XRCC4: variants seen among roughly 807,000 people sequenced by gnomAD.
XRCC4 encodes the protein X-ray repair cross complementing 4.
XRCC4 carries 28 observed loss-of-function variants against 39.1 expected under a neutral mutation model. The observed-to-expected ratio is 0.72, with a 90% CI of 0.53 to 0.98. The LOEUF is 0.98. XRCC4 is among the 50% of genes least tolerant of loss of function. XRCC4 has a pLI of 0.00. For synonymous variants in XRCC4, 123 were observed against 126.4 expected (o/e 0.97, Z 0.18); for missense variants, 350 against 376.4 (o/e 0.93, Z 0.58).
At chr5:83,327,897 A>G (rs1422650815) in intron 7 of XRCC4, among the ~76,000 whole-genome samples, 1 of 152,148 alleles carries the variant, frequency 6.6e-6, no homozygotes, top group African/African-American at 2.4e-5. Flanking sequence ...TCCATACTGT[A>G]TTGGAGGTCC....
intron 7 of XRCC4, among the ~76,000 whole-genome samples, chr5:83,279,285 G>A (rs1754454354): frequency 6.6e-6 from 1 of 151,724 alleles, no homozygotes; most frequent in South Asian, 2.1e-4. Flanking sequence ...ATACATAGGA[G>A]AAAGTGGCAA....
At chr5:83,123,444 G>A (rs1235941813) in intron 3 of XRCC4, among the ~76,000 whole-genome samples, 1 of 151,638 alleles carries the variant, frequency 6.6e-6, no homozygotes, top group African/African-American at 2.4e-5. Flanking sequence ...ATTTCTTTTA[G>A]GAAGTGTATA....
intron 3 of XRCC4, among the ~76,000 whole-genome samples, chr5:83,125,841 G>T (rs1747232459): frequency 6.6e-6 from 1 of 152,102 alleles, no homozygotes; most frequent in Non-Finnish European, 1.5e-5. Context: ...AAATTAGCCA[G>T]GTGTGGTGGC....
the XRCC4 span, among the ~76,000 whole-genome samples, chr5:83,359,015 G>A: frequency 6.6e-6 from 1 of 151,648 alleles, no homozygotes; most frequent in East Asian, 1.9e-4. Flanking sequence ...TATATGCAGG[G>A]GTGAAAAGGA....
At chr5:83,218,047 C>T (rs1231671420) in intron 6 of XRCC4, among the ~76,000 whole-genome samples, 2 of 143,638 alleles carry the variant, frequency 1.4e-5, no homozygotes, top group Non-Finnish European at 3.0e-5. Flanking sequence ...TTGAACTTCT[C>T]AGTCTTTACC....
intron 7 of XRCC4, among the ~76,000 whole-genome samples, chr5:83,348,835 T>G (rs1756997134): frequency 6.6e-6 from 1 of 152,244 alleles, no homozygotes; most frequent in East Asian, 1.9e-4. Flanking sequence ...GGTCATTTCT[T>G]TGTTCATACA....
chr5:83,220,423 C>T (rs780336243), intron 6 of XRCC4, among the ~76,000 whole-genome samples: 2 of 152,106 alleles, frequency 1.3e-5, no homozygotes, highest in African/African-American at 2.4e-5. Context: ...TCATCAGCAT[C>T]GCCTGTAAGC....
intron 3 of XRCC4, among the ~76,000 whole-genome samples, chr5:83,114,204 G>A (rs1746595117): frequency 6.6e-6 from 1 of 152,176 alleles, no homozygotes; most frequent in South Asian, 2.1e-4. Flanking sequence ...CCTATAATGG[G>A]AGGGGCTCCT....
chr5:83,155,681 A>G (rs1748923707), intron 3 of XRCC4, among the ~76,000 whole-genome samples: 1 of 152,140 alleles, frequency 6.6e-6, no homozygotes, highest in Admixed American at 6.6e-5. Context: ...AAATTGTAAG[A>G]ACAATTAGAA....
chr5:83,098,197 A>G (rs1278284358), intron 1 of XRCC4, among the ~76,000 whole-genome samples: 1 of 152,152 alleles, frequency 6.6e-6, no homozygotes, highest in East Asian at 1.9e-4. Flanking sequence ...TGTGACCTCA[A>G]CCAAGAGGCC....
intron 1 of XRCC4, among the ~76,000 whole-genome samples, chr5:83,092,762 T>C (rs185673957): frequency 1.1e-4 from 16 of 151,964 alleles, no homozygotes; most frequent in African/African-American, 3.6e-4. Flanking sequence ...AAAGCAAAAA[T>C]CTGTAGGAGA....
At chr5:83,112,948 C>A (rs1447577153) in intron 3 of XRCC4, among the ~76,000 whole-genome samples, 1 of 152,134 alleles carries the variant, frequency 6.6e-6, no homozygotes, top group East Asian at 1.9e-4. Context: ...CAGCCCCTCC[C>A]AAATCTCATG....
At chr5:83,103,953 CT>C (rs1190667129) in intron 1 of XRCC4, among the ~76,000 whole-genome samples, 5 of 152,186 alleles carry the variant, frequency 3.3e-5, no homozygotes, top group African/African-American at 4.8e-5. Context: ...TGTTCTGCTT[CT>C]TGATCTAGGT....
At chr5:83,161,132 T>A (rs1028695675) in intron 3 of XRCC4, among the ~76,000 whole-genome samples, 1 of 147,872 alleles carries the variant, frequency 6.8e-6, no homozygotes, top group Non-Finnish European at 1.5e-5. Context: ...TTTTTTGAGA[T>A]GGAGTTTTGC....
intron 6 of XRCC4, among the ~76,000 whole-genome samples, chr5:83,248,503 G>T (rs2112867276): frequency 6.6e-6 from 1 of 152,242 alleles, no homozygotes; most frequent in South Asian, 2.1e-4. Flanking sequence ...AGTTTTGAAA[G>T]GCATCAAGAC....
chr5:83,202,043 A>C (rs1182248445), intron 4 of XRCC4: 2 of 55,160 alleles, frequency 3.6e-5, no homozygotes, highest in African/African-American at 1.6e-4. Flanking sequence ...AGTCTGTCTC[A>C]AAAAAAAAAA....
At chr5:83,232,451 A>G (rs1752527670) in intron 6 of XRCC4, among the ~76,000 whole-genome samples, 2 of 152,092 alleles carry the variant, frequency 1.3e-5, no homozygotes, top group Non-Finnish European at 2.9e-5. Flanking sequence ...TATTTCTGGG[A>G]CTGCTCCACA....
chr5:83,204,737 A>G (rs2112732579), intron 5 of XRCC4, 78 bp from the exon 6 acceptor site: 5 of 979,760 alleles, frequency 5.1e-6, no homozygotes, highest in South Asian at 1.8e-5. Flanking sequence ...AATATTTTCT[A>G]TAATTGCTTA....
chr5:83,111,210 A>G lies in XRCC4; in HGVS notation c.315+7A>G. On this transcript the variant is annotated splice_region_variant and intron_variant, in intron 3 of 7. Coordinates refer to ENST00000396027, the MANE Select transcript of XRCC4 (RefSeq NM_003401.5). Reference sequence around the variant, plus strand: ...AAACCTGAAAGATGTCTCAGTAAGTAAAACTTTCCAAAATGTTACATAGTA... The same window carrying G: ...AAACCTGAAAGATGTCTCAGTAAGTGAAACTTTCCAAAATGTTACATAGTA... 6.4e-7 allele frequency: 1 copy of G among 1,566,358 alleles called. No homozygotes were observed. The highest frequency in any genetic ancestry group is 1.2e-5 in the South Asian group (1 of 82,914).
Sources: allele counts gnomAD v4.1 joint callset (sites outside exome capture counted in the v4.1 genomes callset), GRCh38; gene constraint gnomAD v4.1.1; transcripts MANE v1.5; gene names NCBI Gene and HGNC (gene_info 2026-07-23, HGNC 2026-07-21).